Variants in GRM7 observed in about 807,000 individuals in gnomAD.
GRM7 encodes metabotropic glutamate receptor 7.
A neutral mutation model predicts 84.5 loss-of-function variants in GRM7; 35 were observed. The ratio of observed to expected loss-of-function variants is 0.41; its 90% CI spans 0.32 to 0.55. The LOEUF is 0.55. Among genes scored for constraint, GRM7 ranks in the 20% least tolerant of loss-of-function variants. The probability of loss-of-function intolerance (pLI) is 0.19; values close to 1 mark genes in which losing one functional copy is unlikely to be tolerated. For missense variants in GRM7, 1,003 were observed against 1,194.6 expected, an observed-to-expected ratio of 0.84 and a Z score of 2.36; for synonymous variants, 487 against 455.1, an observed-to-expected ratio of 1.07 and a Z score of -0.89.
intron 1 of GRM7, among the ~76,000 whole-genome samples, chr3:6,952,144 C>T (rs1202506707): frequency 6.6e-6 from 1 of 152,000 alleles, no homozygotes; most frequent in Non-Finnish European, 1.5e-5. Context: ...ACTTGGGAAA[C>T]AGTTTCATTC....
intron 1 of GRM7, among the ~76,000 whole-genome samples, chr3:7,026,772 C>G (rs917994768): frequency 1.3e-5 from 2 of 152,216 alleles, no homozygotes; most frequent in African/African-American, 4.8e-5. Flanking sequence ...CAATAAAACA[C>G]AGTTGTTGAG....
At chr3:7,376,210 C>A (rs1239247134) in intron 4 of GRM7, among the ~76,000 whole-genome samples, 1 of 152,180 alleles carries the variant, frequency 6.6e-6, no homozygotes, top group Non-Finnish European at 1.5e-5. Flanking sequence ...TCGCTGACTG[C>A]ATGTTTCTCA....
rs1161027402 is a variant in GRM7, at chr3:7,486,426, G to A, written c.1515+24704G>A. ...TTGGTCTCCAATGTGGCAGTGTTGG[G>A]AGATGATACCATTGAGAGGCAATTG... On this transcript the variant is annotated intron_variant, in intron 7 of 9. Coordinates refer to ENST00000357716, the MANE Select transcript of GRM7 (RefSeq NM_000844.4). This position sits in a 1 kb window ranked among gnomAD's most constrained non-coding sequence, Gnocchi z 5.5. Among the ~76,000 whole-genome samples, 1 of 152,150 alleles carries A rather than the reference G, an allele frequency of 6.6e-6. No individual in the cohort carries two copies. The highest frequency in any genetic ancestry group is 1.5e-5 in the Non-Finnish European group (1 of 68,036).
At chr3:7,640,483 A>C (rs1488418690) in intron 8 of GRM7, among the ~76,000 whole-genome samples, 1 of 152,198 alleles carries the variant, frequency 6.6e-6, no homozygotes, top group Non-Finnish European at 1.5e-5. Context: ...TATAAGCACA[A>C]ATTTTAAACT....
intron 1 of GRM7, among the ~76,000 whole-genome samples, chr3:6,886,035 T>C (rs1476563940): frequency 3.9e-5 from 6 of 152,182 alleles, no homozygotes; most frequent in African/African-American, 1.4e-4. Context: ...TATGTATACA[T>C]TGTGGAATGT....
At position 7,071,704 on chromosome 3, in the gene GRM7, T is replaced by C. The variant is rs796828711; in HGVS notation, c.520-74748T>C. ...CTAAGTATGTAAAACATTTATTGATTTGGAGTCACTTCAAATTTACTTTCT... is the reference window on the plus strand; with the variant it reads ...CTAAGTATGTAAAACATTTATTGATCTGGAGTCACTTCAAATTTACTTTCT... On this transcript the variant is annotated intron_variant, in intron 1 of 9. Transcript: ENST00000357716. 2.6e-5 allele frequency among the ~76,000 whole-genome samples: 4 copies of C among 152,294 alleles called. No homozygotes were observed. The East Asian group carries it at 7.7e-4, about 29-fold the overall frequency.
chr3:7,457,326 A>T (rs1021821086), intron 6 of GRM7, among the ~76,000 whole-genome samples: 3 of 152,202 alleles, frequency 2.0e-5, no homozygotes, highest in African/African-American at 7.2e-5. Flanking sequence ...TGCATTGAGG[A>T]AAGAAATGGG....
chr3:6,870,091 C>T (rs1695072740), intron 1 of GRM7, among the ~76,000 whole-genome samples: 1 of 151,848 alleles, frequency 6.6e-6, no homozygotes, highest in African/African-American at 2.4e-5. Context: ...TCTCTCTCAG[C>T]TTACATTCTC....
intron 7 of GRM7, among the ~76,000 whole-genome samples, chr3:7,513,593 A>G (rs1260779508): frequency 6.6e-6 from 1 of 152,130 alleles, no homozygotes; most frequent in Non-Finnish European, 1.5e-5. Flanking sequence ...GTTTCAAAAT[A>G]AAAGAGTGGA....
intron 7 of GRM7, among the ~76,000 whole-genome samples, chr3:7,545,475 G>T (rs1239581130): frequency 6.6e-6 from 1 of 152,164 alleles, no homozygotes; most frequent in African/African-American, 2.4e-5. Context: ...CAGTGATTTT[G>T]TTCTGCTACC....
intron 8 of GRM7, among the ~76,000 whole-genome samples, chr3:7,645,665 A>C (rs909961102): frequency 3.3e-5 from 5 of 152,126 alleles, no homozygotes; most frequent in African/African-American, 1.2e-4. Flanking sequence ...TAAGACAGAA[A>C]ATCTTAACTT....
At chr3:6,917,875 G>T (rs572699977) in intron 1 of GRM7, among the ~76,000 whole-genome samples, 1 of 152,158 alleles carries the variant, frequency 6.6e-6, no homozygotes, top group Admixed American at 6.5e-5. Context: ...AAATAGTACA[G>T]AAAGAAGTTT....
chr3:7,690,249 A>C (rs1700748362), intron 9 of GRM7, among the ~76,000 whole-genome samples: 2 of 152,140 alleles, frequency 1.3e-5, no homozygotes. Flanking sequence ...TGTGCCTTTA[A>C]GTACAAAGGC....
intron 7 of GRM7, among the ~76,000 whole-genome samples, chr3:7,537,437 A>T (rs889480221): frequency 6.6e-6 from 1 of 152,194 alleles, no homozygotes; most frequent in Admixed American, 6.5e-5. Context: ...GTGGCTTGAG[A>T]TAGACAGGGG....
At chr3:7,232,018 A>T (rs1416823190) in intron 2 of GRM7, among the ~76,000 whole-genome samples, 1 of 152,186 alleles carries the variant, frequency 6.6e-6, no homozygotes, top group Non-Finnish European at 1.5e-5. Flanking sequence ...ATTGAGAAGA[A>T]CATTGAAATA....
intron 2 of GRM7, among the ~76,000 whole-genome samples, chr3:7,279,360 G>T (rs1699178579): frequency 6.6e-6 from 1 of 152,100 alleles, no homozygotes; most frequent in South Asian, 2.1e-4. Flanking sequence ...AGAAAGTCCA[G>T]ATACCAATAT....
intron 7 of GRM7, among the ~76,000 whole-genome samples, chr3:7,541,627 C>G (rs17664833): frequency 0.091 from 13,870 of 152,128 alleles, 782 homozygotes; most frequent in South Asian, 0.12. Context: ...CATAAAAAAC[C>G]TAACTGGCCC....
At position 7,537,211 on chromosome 3, in the gene GRM7, C is replaced by T. The variant is rs139797690; in HGVS notation, c.1516-41211C>T. Among the ~76,000 whole-genome samples, 1,290 of 152,266 alleles carry T rather than the reference C, an allele frequency of 8.5e-3. 10 individuals are homozygous for T. The highest frequency in any genetic ancestry group is 0.012 in the Non-Finnish European group (847 of 68,022). ...GGGTTCTCTCTCCTCTTTTGGCCCA[C>T]TCTTCTTCTTCACTTCCTGATTTTA... On this transcript the variant is annotated intron_variant, in intron 7 of 9. Transcript: ENST00000357716.
intron 8 of GRM7, among the ~76,000 whole-genome samples, chr3:7,649,132 C>G (rs771547644): frequency 6.6e-6 from 1 of 151,416 alleles, no homozygotes; most frequent in African/African-American, 2.4e-5. Flanking sequence ...TGCAGTGGTG[C>G]GATCTCGGCT....
Sources: allele counts gnomAD v4.1 joint callset (sites outside exome capture counted in the v4.1 genomes callset), GRCh38; gene constraint gnomAD v4.1.1; non-coding constraint Gnocchi (gnomAD v3.1); transcripts MANE v1.5; gene names NCBI Gene and HGNC (gene_info 2026-07-23, HGNC 2026-07-21).